The following DLC1 variants were observed in gnomAD, a reference collection of about 807,000 sequenced individuals.
DLC1 encodes rho GTPase-activating protein 7.
In DLC1, 54 loss-of-function variants were observed where a neutral mutation model predicts 140.3. The observed-to-expected ratio is 0.38, with a 90% CI of 0.31 to 0.48. The LOEUF is 0.48. Among genes scored for constraint, DLC1 ranks in the 20% least tolerant of loss-of-function variants. The pLI is 0.96. For missense variants in DLC1, 2,536 were observed against 1,907.0 expected, an observed-to-expected ratio of 1.33 and a Z score of -6.14; for synonymous variants, 986 against 728.1, an observed-to-expected ratio of 1.35 and a Z score of -5.70.
intron 4 of DLC1, among the ~76,000 whole-genome samples, chr8:13,361,800 G>T (rs1186051242): frequency 6.6e-6 from 1 of 152,100 alleles, no homozygotes; most frequent in Non-Finnish European, 1.5e-5. Context: ...AACTGAAAAG[G>T]GCTGACAGTA....
intron 1 of DLC1, among the ~76,000 whole-genome samples, chr8:13,555,328 G>GT (rs542298860): frequency 1.6e-4 from 24 of 148,232 alleles, no homozygotes; most frequent in Middle Eastern, 3.5e-3. Flanking sequence ...TTTCTTGTAT[G>GT]TTTTTTTTTT....
intron 5 of DLC1, among the ~76,000 whole-genome samples, chr8:13,258,570 T>C (rs1429343773): frequency 6.6e-6 from 1 of 152,226 alleles, no homozygotes; most frequent in Non-Finnish European, 1.5e-5. Context: ...TTACTGGTCA[T>C]GTGACTTTTA....
intron 5 of DLC1, among the ~76,000 whole-genome samples, chr8:13,141,256 CAAAAAAAAAA>C (rs34321250): frequency 0.48 from 30,448 of 63,428 alleles, 4,345 homozygotes; most frequent in East Asian, 0.63. Flanking sequence ...GAGTCTGTCT[CAAAAAAAAAA>C]AAAAAAAAAA....
intron 3 of DLC1, among the ~76,000 whole-genome samples, chr8:13,400,776 C>T (rs530295376): frequency 6.1e-4 from 93 of 151,896 alleles, no homozygotes; most frequent in African/African-American, 2.1e-3. Flanking sequence ...TAAGTAAACT[C>T]AACCATCCTA....
At chr8:13,472,370 G>T (rs1010845080) in intron 2 of DLC1, among the ~76,000 whole-genome samples, 1 of 152,182 alleles carries the variant, frequency 6.6e-6, no homozygotes, top group Non-Finnish European at 1.5e-5. Flanking sequence ...GAATGAGAAG[G>T]TGGAAATTTT....
At chr8:13,488,617 C>T (rs1049130982) in intron 2 of DLC1, among the ~76,000 whole-genome samples, 3 of 152,168 alleles carry the variant, frequency 2.0e-5, no homozygotes, top group African/African-American at 4.8e-5. Context: ...ACCAGCTGAG[C>T]GAAGACTTTT....
intron 2 of DLC1, among the ~76,000 whole-genome samples, chr8:13,474,053 T>C (rs1344714523): frequency 1.3e-5 from 2 of 152,182 alleles, no homozygotes; most frequent in Admixed American, 1.3e-4. Context: ...GGAAAATGTC[T>C]CCAGGGCATG....
At chr8:13,570,649 T>C (rs913376644) in intron 1 of DLC1, among the ~76,000 whole-genome samples, 1 of 151,696 alleles carries the variant, frequency 6.6e-6, no homozygotes, top group Non-Finnish European at 1.5e-5. Flanking sequence ...GGCTGCATAG[T>C]ATTCCATGGT....
chr8:13,144,095 A>T (rs1481316147), intron 5 of DLC1, among the ~76,000 whole-genome samples: 2 of 152,196 alleles, frequency 1.3e-5, no homozygotes, highest in Admixed American at 1.3e-4. Flanking sequence ...GTTCTGAAAG[A>T]GACTTAGGAC....
intron 2 of DLC1, among the ~76,000 whole-genome samples, chr8:13,448,226 C>T (rs1010665070): frequency 6.6e-6 from 1 of 151,984 alleles, no homozygotes; most frequent in African/African-American, 2.4e-5. Context: ...TGCTTACACT[C>T]ACATGGAAAA....
intron 5 of DLC1, among the ~76,000 whole-genome samples, chr8:13,188,893 G>A (rs1214935630): frequency 4.2e-5 from 5 of 119,726 alleles, no homozygotes; most frequent in African/African-American, 1.6e-4. Flanking sequence ...GTTTCATCAT[G>A]TTGGCCAGGC....
chr8:13,161,164 C>G (rs1012574387), intron 5 of DLC1, among the ~76,000 whole-genome samples: 1 of 152,162 alleles, frequency 6.6e-6, no homozygotes, highest in African/African-American at 2.4e-5. Context: ...TAATCTCTTT[C>G]CTCACCCAAA....
intron 5 of DLC1, among the ~76,000 whole-genome samples, chr8:13,281,747 CAAG>C (rs1831373331): frequency 6.6e-6 from 1 of 152,114 alleles, no homozygotes. Context: ...TGCAATAAAA[CAAG>C]AAGTGAATGT....
intron 4 of DLC1, among the ~76,000 whole-genome samples, chr8:13,371,392 T>C (rs932973753): frequency 6.6e-6 from 1 of 152,182 alleles, no homozygotes; most frequent in African/African-American, 2.4e-5. Flanking sequence ...TATCTCTCTG[T>C]CTCTGTCTCT....
At chr8:13,209,425 A>C (rs1036254214) in intron 5 of DLC1, among the ~76,000 whole-genome samples, 1 of 152,172 alleles carries the variant, frequency 6.6e-6, no homozygotes, top group African/African-American at 2.4e-5. Context: ...AAGCTCACTC[A>C]CTAGTGGATG....
At chr8:13,380,718 G>A (rs1484577694) in intron 4 of DLC1, among the ~76,000 whole-genome samples, 2 of 152,202 alleles carry the variant, frequency 1.3e-5, no homozygotes, top group Non-Finnish European at 2.9e-5. Context: ...GTGATCGGAT[G>A]TTAAAATTAA....
chr8:13,100,883 C>A, intron 8 of DLC1, 113 bp from the exon 9 acceptor site: 71 of 956,202 alleles, frequency 7.4e-5, no homozygotes, highest in Non-Finnish European at 9.8e-5. Flanking sequence ...CCCCCTTGTA[C>A]TTCATGATTT....
intron 2 of DLC1, among the ~76,000 whole-genome samples, chr8:13,403,188 C>A (rs192216588): frequency 1.3e-5 from 2 of 152,238 alleles, no homozygotes; most frequent in East Asian, 3.9e-4. Context: ...TCCTATTGTC[C>A]CTGCTGTTTG....
chr8:13,248,640 G>C (rs1233152700), intron 5 of DLC1, among the ~76,000 whole-genome samples: 1 of 152,182 alleles, frequency 6.6e-6, no homozygotes, highest in African/African-American at 2.4e-5. Flanking sequence ...TCACTGAGCA[G>C]CAGTCTGGAT....
Sources: gnomAD v4.1 joint callset for allele counts (sites outside exome capture counted in the v4.1 genomes callset) on GRCh38, gnomAD v4.1.1 for gene constraint, MANE v1.5 for transcripts, NCBI Gene and HGNC (gene_info 2026-07-23, HGNC 2026-07-21) for gene names.